GRM5: variants seen among roughly 807,000 people sequenced by gnomAD.
GRM5 encodes glutamate metabotropic receptor 5.
Under a neutral mutation model 83.1 loss-of-function variants are expected in GRM5, and 19 were observed. The ratio of observed to expected loss-of-function variants is 0.23; its 90% CI spans 0.16 to 0.34. The LOEUF (loss-of-function observed/expected upper bound fraction) is 0.34. GRM5 is among the 10% of genes least tolerant of loss of function. The pLI is 1.00. For synonymous variants in GRM5, 675 were observed against 633.6 expected (o/e 1.07, Z -0.98); for missense variants, 1,160 against 1,588.3 (o/e 0.73, Z 4.58).
rs1938303765 is a variant in GRM5 at position 88,947,047 on chromosome 11, A to G, written c.662-96892T>C. Among the ~76,000 whole-genome samples the G allele has an allele frequency of 3.3e-5, 5 of 152,188 alleles. No individual in the cohort carries two copies. The South Asian group carries it at 1.0e-3, about 31-fold the overall frequency. On this transcript the variant is annotated intron_variant, in intron 2 of 9. Coordinates refer to ENST00000305447, the MANE Select transcript of GRM5 (RefSeq NM_001143831.3). ...AGTAGAAAGCTTTTTGGCTTTAAAA[A>G]TGGATTGAACATATTGAATTTTTTA...
At chr11:88,623,210 C>T (rs925192380) in intron 4 of GRM5, among the ~76,000 whole-genome samples, 14 of 152,056 alleles carry the variant, frequency 9.2e-5, no homozygotes, top group African/African-American at 2.9e-4. Context: ...CTCAGCCTTC[C>T]GAGTAGCTGG....
chr11:88,978,474 TAAAAAAAAAAAAAAAAAAAAAAAAAA>T (rs200343438), intron 2 of GRM5, among the ~76,000 whole-genome samples: 13 of 97,986 alleles, frequency 1.3e-4, no homozygotes, highest in South Asian at 9.3e-4. Flanking sequence ...CAGATGAGCT[TAAAAAAAAAAAAAAAAAAAAAAAAAA>T]AAAAAAAAAA....
intron 3 of GRM5, among the ~76,000 whole-genome samples, chr11:88,723,225 T>C (rs1941588699): frequency 6.6e-6 from 1 of 151,994 alleles, no homozygotes; most frequent in South Asian, 2.1e-4. Context: ...TTTCTTTTCA[T>C]CACTGACTAC....
At chr11:88,993,894 T>C (rs1452853309) in intron 2 of GRM5, among the ~76,000 whole-genome samples, 1 of 152,130 alleles carries the variant, frequency 6.6e-6, no homozygotes, top group Non-Finnish European at 1.5e-5. Context: ...ACTAGTTGTT[T>C]TGACTTTTTG....
intron 2 of GRM5, among the ~76,000 whole-genome samples, chr11:88,961,836 A>G (rs11021685): frequency 0.022 from 3,332 of 152,296 alleles, 75 homozygotes; most frequent in East Asian, 0.097. Context: ...CCAAGATTAC[A>G]TATATATTTC....
intron 3 of GRM5, among the ~76,000 whole-genome samples, chr11:88,846,578 G>A (rs778873273): frequency 6.6e-6 from 1 of 152,156 alleles, no homozygotes; most frequent in South Asian, 2.1e-4. Flanking sequence ...CACTTAAGTT[G>A]AACGACCTAT....
At chr11:88,717,990 G>A (rs1237861709) in intron 3 of GRM5, among the ~76,000 whole-genome samples, 2 of 151,758 alleles carry the variant, frequency 1.3e-5, no homozygotes, top group East Asian at 1.9e-4. Context: ...CTATGAAAAT[G>A]CAAAAATATA....
chr11:88,628,752 C>A (rs1249330621), intron 4 of GRM5, among the ~76,000 whole-genome samples: 2 of 152,138 alleles, frequency 1.3e-5, no homozygotes, highest in African/African-American at 2.4e-5. Context: ...ACTCAAATAA[C>A]CAGTAGCTTA....
In GRM5 at chr11:89,005,405, T is replaced by C. The variant is rs868559518; in HGVS notation, c.661+41807A>G. Among the ~76,000 whole-genome samples, 5 of 152,242 alleles carry C rather than the reference T, an allele frequency of 3.3e-5. No individual in the cohort carries two copies. In the Middle Eastern group the frequency reaches 0.01, roughly 311 times the overall value. On this transcript the variant is annotated intron_variant, in intron 2 of 9. Transcript: ENST00000305447. ...TTAGTTTGGCTTGGCTTGGAGAAAA[T>C]ATCCAATTTGTCAAGCTAGGGTCAG...
At chr11:88,840,606 T>C (rs978959599) in intron 3 of GRM5, among the ~76,000 whole-genome samples, 2 of 152,212 alleles carry the variant, frequency 1.3e-5, no homozygotes, top group African/African-American at 4.8e-5. Context: ...GCTTGAGGGC[T>C]TTCAGGGCTT....
intron 2 of GRM5, among the ~76,000 whole-genome samples, chr11:88,877,227 T>A: frequency 6.6e-6 from 1 of 152,058 alleles, no homozygotes; most frequent in Non-Finnish European, 1.5e-5. Flanking sequence ...TTTTGACAAG[T>A]ATTTGAGGTG....
chr11:88,526,886 A>G (rs1447404750), intron 8 of GRM5, among the ~76,000 whole-genome samples: 1 of 152,178 alleles, frequency 6.6e-6, no homozygotes, highest in Non-Finnish European at 1.5e-5. Context: ...AGATGTAAAG[A>G]TAAGTAATCT....
intron 3 of GRM5, among the ~76,000 whole-genome samples, chr11:88,661,168 A>G (rs1471212389): frequency 1.3e-5 from 2 of 152,166 alleles, no homozygotes; most frequent in Admixed American, 1.3e-4. Flanking sequence ...TACTTTGCAC[A>G]TCTTTGTATC....
At chr11:89,000,251 A>T (rs894053219) in intron 2 of GRM5, among the ~76,000 whole-genome samples, 1 of 152,178 alleles carries the variant, frequency 6.6e-6, no homozygotes, top group African/African-American at 2.4e-5. Flanking sequence ...TAATTAAAAA[A>T]CGGAACTAGA....
intron 3 of GRM5, among the ~76,000 whole-genome samples, chr11:88,680,980 A>C (rs1250395671): frequency 6.6e-6 from 1 of 152,142 alleles, no homozygotes; most frequent in East Asian, 1.9e-4. Context: ...GAAGTATGCA[A>C]TATTCTGTGG....
At chr11:88,851,795 T>C (rs1381191762) in intron 2 of GRM5, among the ~76,000 whole-genome samples, 4 of 152,190 alleles carry the variant, frequency 2.6e-5, no homozygotes, top group African/African-American at 9.7e-5. Context: ...CAGCCAAAAA[T>C]ACTGGTGGGC....
At chr11:88,937,862 A>G (rs1317607628) in intron 2 of GRM5, among the ~76,000 whole-genome samples, 4 of 151,732 alleles carry the variant, frequency 2.6e-5, no homozygotes, top group Admixed American at 2.0e-4. Flanking sequence ...TAATGCATGA[A>G]ATTGTATCTC....
intron 3 of GRM5, among the ~76,000 whole-genome samples, chr11:88,838,124 C>T (rs1383758862): frequency 7.2e-6 from 1 of 139,630 alleles, no homozygotes; most frequent in Non-Finnish European, 1.6e-5. Flanking sequence ...TAAGTAACGT[C>T]TCTGAGTTTC....
intron 2 of GRM5, among the ~76,000 whole-genome samples, chr11:88,851,677 G>A (rs1241852050): frequency 2.6e-5 from 4 of 152,146 alleles, no homozygotes; most frequent in Non-Finnish European, 4.4e-5. Flanking sequence ...CATACCACAG[G>A]TACCTTGCTG....
Sources: gnomAD v4.1 joint callset for allele counts (sites outside exome capture counted in the v4.1 genomes callset) on GRCh38, gnomAD v4.1.1 for gene constraint, MANE v1.5 for transcripts, NCBI Gene and HGNC (gene_info 2026-07-23, HGNC 2026-07-21) for gene names.